Variants in ERBB4 observed in about 807,000 individuals in gnomAD.
ERBB4 encodes receptor tyrosine-protein kinase erbB-4.
A neutral mutation model predicts 158.0 loss-of-function variants in ERBB4; 42 were observed. The ratio of observed to expected loss-of-function variants is 0.27; its 90% CI spans 0.21 to 0.34. The LOEUF (loss-of-function observed/expected upper bound fraction) is 0.34, where lower values mean the gene tolerates loss of function less well. Among genes scored for constraint, ERBB4 ranks in the 10% least tolerant of loss-of-function variants. The pLI is 1.00. For missense variants in ERBB4, 1,333 were observed against 1,624.1 expected (o/e 0.82, Z 3.08); for synonymous variants, 583 against 558.7 (o/e 1.04, Z -0.61).
intron 1 of ERBB4, among the ~76,000 whole-genome samples, chr2:212,272,022 A>G (rs2135161): frequency 0.14 from 20,974 of 151,806 alleles, 1,612 homozygotes; most frequent in African/African-American, 0.18. Context: ...ACCTATGCCT[A>G]AGGCAGAAAC....
At chr2:211,512,571 A>G (rs2065909576) in intron 20 of ERBB4, among the ~76,000 whole-genome samples, 1 of 152,084 alleles carries the variant, frequency 6.6e-6, no homozygotes, top group African/African-American at 2.4e-5. Context: ...AACTTTTTGG[A>G]ACTATCTTTG....
intron 19 of ERBB4, among the ~76,000 whole-genome samples, chr2:211,596,624 C>T (rs1010416345): frequency 3.9e-5 from 6 of 152,164 alleles, no homozygotes; most frequent in African/African-American, 1.4e-4. Context: ...CTTCTTACCC[C>T]TGAAGACCTT....
intron 1 of ERBB4, among the ~76,000 whole-genome samples, chr2:212,286,767 A>ATTTTTTTTTTT (rs748586400): frequency 0.067 from 2,654 of 39,484 alleles, 849 homozygotes; most frequent in South Asian, 0.11. Context: ...ATGAGGGTTA[A>ATTTTTTTTTTT]TTTTTTTTTT....
At chr2:212,422,592 T>G (rs2091820417) in intron 1 of ERBB4, among the ~76,000 whole-genome samples, 1 of 152,184 alleles carries the variant, frequency 6.6e-6, no homozygotes, top group South Asian at 2.1e-4. Flanking sequence ...AAATTTGTCT[T>G]AAGCCACTTA....
intron 1 of ERBB4, among the ~76,000 whole-genome samples, chr2:212,221,314 T>C (rs1574462865): frequency 6.6e-6 from 1 of 151,596 alleles, no homozygotes; most frequent in East Asian, 1.9e-4. Flanking sequence ...TTCATCAATA[T>C]ACATTGTATT....
At chr2:211,564,814 A>G (rs2067501260) in intron 19 of ERBB4, among the ~76,000 whole-genome samples, 1 of 152,222 alleles carries the variant, frequency 6.6e-6, no homozygotes, top group Admixed American at 6.5e-5. Context: ...GCCAGCCCAA[A>G]CTGGAACAGG....
At chr2:212,003,199 AAGAAAGACAG>A (rs2076168031) in intron 2 of ERBB4, among the ~76,000 whole-genome samples, 1 of 54,636 alleles carries the variant, frequency 1.8e-5, no homozygotes, top group African/African-American at 4.9e-5. Context: ...GAAAGAAAGA[AAGAAAGACAG>A]AAAGAAGGAA....
At chr2:211,397,147 C>T (rs182448921) in intron 25 of ERBB4, among the ~76,000 whole-genome samples, 62 of 152,138 alleles carry the variant, frequency 4.1e-4, no homozygotes, top group South Asian at 1.9e-3. Context: ...TAGCCCTCCC[C>T]GAGAGCTACC....
chr2:212,274,550 T>A (rs1415884382), intron 1 of ERBB4, among the ~76,000 whole-genome samples: 6 of 151,856 alleles, frequency 4.0e-5, no homozygotes, highest in South Asian at 4.1e-4. Flanking sequence ...CAGTATGTAA[T>A]GCAGTTAATT....
At chr2:212,340,619 T>C (rs1192463553) in intron 1 of ERBB4, among the ~76,000 whole-genome samples, 1 of 152,186 alleles carries the variant, frequency 6.6e-6, no homozygotes, top group Non-Finnish European at 1.5e-5. Context: ...AATCTAATAC[T>C]ACTGCTGATC....
At chr2:211,571,035 C>CTCTTTTTTTTTTTTTTTT (rs1553571913) in intron 19 of ERBB4, among the ~76,000 whole-genome samples, 1 of 81,218 alleles carries the variant, frequency 1.2e-5, no homozygotes, top group African/African-American at 5.2e-5. Flanking sequence ...TCTGAGTACT[C>CTCTTTTTTTTTTTTTTTT]TTCTTCTTTT....
intron 2 of ERBB4, among the ~76,000 whole-genome samples, chr2:212,052,283 A>AG (rs377420841): frequency 2.6e-5 from 4 of 152,172 alleles, no homozygotes; most frequent in African/African-American, 9.7e-5. Flanking sequence ...GTGGTTTGCC[A>AG]GGGGGGTCTT....
chr2:212,022,574 G>GT (rs2076678482), intron 2 of ERBB4, among the ~76,000 whole-genome samples: 1 of 152,002 alleles, frequency 6.6e-6, no homozygotes, highest in Non-Finnish European at 1.5e-5. Flanking sequence ...AAGAGCTAAT[G>GT]TATGCTGGGC....
At chr2:212,376,586 T>G (rs949278380) in intron 1 of ERBB4, among the ~76,000 whole-genome samples, 7 of 152,060 alleles carry the variant, frequency 4.6e-5, no homozygotes. Context: ...TGGGAAATCA[T>G]TAGGCATCCA....
chr2:212,107,437 T>C (rs1460428605), intron 2 of ERBB4, among the ~76,000 whole-genome samples: 1 of 152,210 alleles, frequency 6.6e-6, no homozygotes, highest in Non-Finnish European at 1.5e-5. Flanking sequence ...ATTTATCCAA[T>C]GCCTGTATCC....
At chr2:212,519,545 G>C (rs1327331713) in intron 1 of ERBB4, among the ~76,000 whole-genome samples, 3 of 151,890 alleles carry the variant, frequency 2.0e-5, no homozygotes, top group Non-Finnish European at 4.4e-5. Flanking sequence ...ATCAGGGGGC[G>C]GGGGGCTAGA....
At chr2:212,478,340 C>T (rs1479421900) in intron 1 of ERBB4, among the ~76,000 whole-genome samples, 1 of 152,018 alleles carries the variant, frequency 6.6e-6, no homozygotes, top group East Asian at 1.9e-4. Flanking sequence ...TTTCCCAGGC[C>T]TGGCTTGGAA....
intron 1 of ERBB4, among the ~76,000 whole-genome samples, chr2:212,462,710 TAA>T (rs1371778550): frequency 1.3e-5 from 2 of 152,006 alleles, no homozygotes; most frequent in East Asian, 3.9e-4. Context: ...CTCAAAAAAG[TAA>T]AGATATAACT....
intron 16 of ERBB4, among the ~76,000 whole-genome samples, chr2:211,650,736 G>T (rs2105881164): frequency 6.6e-6 from 1 of 152,040 alleles, no homozygotes; most frequent in East Asian, 1.9e-4. Flanking sequence ...AAGTATTCTA[G>T]CAGACATATT....
Sources: gnomAD v4.1 joint callset for allele counts (sites outside exome capture counted in the v4.1 genomes callset) on GRCh38, gnomAD v4.1.1 for gene constraint, MANE v1.5 for transcripts, NCBI Gene and HGNC (gene_info 2026-07-23, HGNC 2026-07-21) for gene names.